KRIT1: variants seen among roughly 807,000 people sequenced by gnomAD.
The protein encoded by KRIT1 is krev interaction trapped protein 1.
Under a neutral mutation model 95.8 loss-of-function variants are expected in KRIT1, and 45 were observed. The observed-to-expected ratio is 0.47, with a 90% CI of 0.37 to 0.60. The LOEUF is 0.60. Ranked by LOEUF, KRIT1 falls within the 20% of genes least tolerant of loss-of-function variation. The pLI, the probability that KRIT1 is intolerant of heterozygous loss-of-function variation, is 0.00. For synonymous variants in KRIT1, 282 were observed against 278.8 expected (o/e 1.01, Z -0.11); for missense variants, 788 against 877.5 (o/e 0.90, Z 1.29).
intron 10 of KRIT1, 21 bp from the exon 11 acceptor site, chr7:92,226,703 AC>A (rs1796274180): frequency 1.2e-6 from 2 of 1,609,150 alleles, no homozygotes; most frequent in African/African-American, 2.7e-5. Flanking sequence ...AAACAAACAA[AC>A]AAAAAACAAC....
chr7:92,213,763 G>A, intron 16 of KRIT1, 129 bp downstream of exon 16: 1 of 670,662 alleles, frequency 1.5e-6, no homozygotes. Context: ...TTCAAGCATT[G>A]TGAACTAGAA....
At chr7:92,207,563 A>C (rs1791841287) in intron 17 of KRIT1, among the ~76,000 whole-genome samples, 1 of 152,216 alleles carries the variant, frequency 6.6e-6, no homozygotes, top group South Asian at 2.1e-4. Flanking sequence ...CTTTAGACTA[A>C]ATGGATTTAA....
chr7:92,213,130 G>T, intron 17 of KRIT1, 65 bp downstream of exon 17: 2 of 1,076,430 alleles, frequency 1.9e-6, no homozygotes, highest in South Asian at 1.3e-5. Context: ...AATTCTTCAT[G>T]TAGGTTGGTA....
chr7:92,231,754 C>T (rs1344716417), intron 10 of KRIT1, among the ~76,000 whole-genome samples: 1 of 152,098 alleles, frequency 6.6e-6, no homozygotes, highest in African/African-American at 2.4e-5. Context: ...TGCAAGGTGA[C>T]CCATACTACT....
chr7:92,216,733 C>T (rs573089353), intron 14 of KRIT1, among the ~76,000 whole-genome samples: 14 of 152,220 alleles, frequency 9.2e-5, no homozygotes, highest in African/African-American at 3.1e-4. Flanking sequence ...AACTGTATTA[C>T]TTTTTAATAT....
At chr7:92,228,964 A>G (rs571671584) in intron 10 of KRIT1, among the ~76,000 whole-genome samples, 15 of 152,136 alleles carry the variant, frequency 9.9e-5, no homozygotes, top group African/African-American at 3.6e-4. Flanking sequence ...TACATACCAC[A>G]TTTTCTTTAA....
intron 17 of KRIT1, among the ~76,000 whole-genome samples, chr7:92,204,373 G>C (rs2131152998): frequency 6.6e-6 from 1 of 152,192 alleles, no homozygotes; most frequent in South Asian, 2.1e-4. Flanking sequence ...CGGTTTCGTG[G>C]CAGACAATTC....
At chr7:92,209,699 GAA>G (rs1792352495) in intron 17 of KRIT1, among the ~76,000 whole-genome samples, 1 of 152,088 alleles carries the variant, frequency 6.6e-6, no homozygotes, top group Admixed American at 6.6e-5. Context: ...ACTGATGCAA[GAA>G]ATTCAAGAGC....
At chr7:92,222,152 T>C (rs1795269223) in intron 13 of KRIT1, 99 bp from the exon 14 acceptor site, 1 of 850,992 alleles carries the variant, frequency 1.2e-6, no homozygotes, top group Non-Finnish European at 1.9e-6. Flanking sequence ...CTGTACTGAA[T>C]ACTCACAAAT....
chr7:92,205,928 G>A (rs565601047), intron 17 of KRIT1: 1 of 152,150 alleles, frequency 6.6e-6, no homozygotes, highest in Non-Finnish European at 1.5e-5. Context: ...TCTAAAGTGG[G>A]ATTGAAAAGG....
At chr7:92,211,507 A>AAGGGT (rs1792821418) in intron 17 of KRIT1, among the ~76,000 whole-genome samples, 1 of 152,268 alleles carries the variant, frequency 6.6e-6, no homozygotes, top group East Asian at 1.9e-4. Flanking sequence ...CAGAGCTGGG[A>AAGGGT]AGGGTAGGGT....
intron 17 of KRIT1, among the ~76,000 whole-genome samples, chr7:92,205,344 T>TCAACAA (rs375841118): frequency 2.5e-3 from 381 of 151,650 alleles, no homozygotes; most frequent in Non-Finnish European, 4.5e-3. Flanking sequence ...GAAACTCATC[T>TCAACAA]CAACAACAAC....
At position 92,211,976 on chromosome 7, in the gene KRIT1, G is replaced by A. The variant is rs541691940; in HGVS notation, c.2025+1219C>T. On this transcript the variant is annotated intron_variant, in intron 17 of 18. Transcript: ENST00000394505. ...AAAAAAAAGCCAGGCATGGTGTTACGTGCCTATAGTCCCAGCTACTCAGGA... is the reference window on the plus strand; with the variant it reads ...AAAAAAAAGCCAGGCATGGTGTTACATGCCTATAGTCCCAGCTACTCAGGA... 4.0e-5 allele frequency among the ~76,000 whole-genome samples: 6 copies of A among 151,810 alleles called. No individual in the cohort carries two copies. The East Asian group carries it at 1.2e-3, about 29-fold the overall frequency.
chr7:92,242,342 T>C (rs1464743866), intron 3 of KRIT1, among the ~76,000 whole-genome samples: 1 of 152,260 alleles, frequency 6.6e-6, no homozygotes, highest in Non-Finnish European at 1.5e-5. Context: ...GCATCTTTAC[T>C]GTTCAACTAC....
At chr7:92,220,847 C>G (rs1419053293) in intron 14 of KRIT1, among the ~76,000 whole-genome samples, 1 of 151,808 alleles carries the variant, frequency 6.6e-6, no homozygotes, top group Non-Finnish European at 1.5e-5. Flanking sequence ...GCGCCCACCA[C>G]CATGCCTAAT....
Position 92,235,587 on chromosome 7 carries a change from G to A in KRIT1, c.545C>T (p.Pro182Leu), listed in dbSNP as rs1440699483. Residue 182 changes from proline to leucine, a missense_variant, in exon 8 of 19, where the codon CCT becomes CTT. Pro to Leu is a moderately conservative substitution (Grantham distance 98). Transcript: ENST00000394505. ...GACATTAGTTTTTATCCGCTCAAGA[G>A]GAGAAGGTCGGAATAAAGCTGGAAT... ...HFIPALFRPS[P>L]LERIKTNVIN... 3.1e-6 allele frequency: 5 copies of A among 1,613,610 alleles called. No homozygotes were observed. The highest frequency in any genetic ancestry group is 1.3e-5 in the African/African-American group (1 of 74,892).
Position 92,235,799 on chromosome 7 carries a change from TA to T in KRIT1, c.486-154del, listed in dbSNP as rs1044692589. The T allele has an allele frequency of 3.1e-5, 21 of 674,606 alleles. No individual in the cohort carries two copies. The African/African-American group carries it at 3.6e-4, about 12-fold the overall frequency. The allele number at this position is 674,606 out of a possible 1,614,324, so 41.8% of individuals were successfully genotyped here. The stretch of plus-strand genomic sequence containing the variant: ...TGTTAGTTAAGTACTTTATTATTTT[TA>T]AAATTTATTTATATTGCAAATTGAT... On this transcript the variant is annotated intron_variant, in intron 7 of 18. Coordinates refer to ENST00000394505, the MANE Select transcript of KRIT1 (RefSeq NM_194454.3).
intron 4 of KRIT1, 123 bp downstream of exon 4, chr7:92,241,911 G>A: frequency 1.6e-6 from 1 of 643,034 alleles, no homozygotes; most frequent in South Asian, 1.9e-5. Context: ...AAAATAATGG[G>A]CAGAGACCTA....
chr7:92,227,641 T>G (rs1796464129), intron 10 of KRIT1, among the ~76,000 whole-genome samples: 1 of 151,874 alleles, frequency 6.6e-6, no homozygotes, highest in Non-Finnish European at 1.5e-5. Context: ...TTCAAGAGAT[T>G]CTCGTGTCTC....
Sources: allele counts gnomAD v4.1 joint callset (sites outside exome capture counted in the v4.1 genomes callset), GRCh38; gene constraint gnomAD v4.1.1; transcripts MANE v1.5; gene names NCBI Gene and HGNC (gene_info 2026-07-23, HGNC 2026-07-21).